Variants in ZNF334 observed in about 807,000 individuals in gnomAD.
ZNF334 encodes zinc finger protein 334.
Under a neutral mutation model 12.4 loss-of-function variants are expected in ZNF334, and 14 were observed. The observed-to-expected ratio is 1.13, with a 90% confidence interval of 0.74 to 1.76. ZNF334 has a LOEUF of 1.76. Among genes scored for constraint, ZNF334 ranks in the 40% most tolerant of loss-of-function variants. ZNF334 has a pLI of 0.00. For synonymous variants in ZNF334, 273 were observed against 269.6 expected, an observed-to-expected ratio of 1.01 and a Z score of -0.12; for missense variants, 797 against 804.5, an observed-to-expected ratio of 0.99 and a Z score of 0.11.
chr20:46,494,897 AT>A (rs1358480087), downstream of ZNF334, among the ~76,000 whole-genome samples: 6 of 152,192 alleles, frequency 3.9e-5, no homozygotes, highest in Non-Finnish European at 7.3e-5. Context: ...TCTCTGCCAT[AT>A]TTCCTAGGCG....
At chr20:46,476,460 T>C in the ZNF334 span, 1 of 152,216 alleles carries the variant, frequency 6.6e-6, no homozygotes, top group South Asian at 2.1e-4. Flanking sequence ...CTCAATATCC[T>C]GGTTTTGATA....
At chr20:46,496,290 G>A (rs968749025), downstream of ZNF334, among the ~76,000 whole-genome samples, 8 of 152,162 alleles carry the variant, frequency 5.3e-5, no homozygotes, top group East Asian at 3.9e-4. Flanking sequence ...TTCCAAAGGT[G>A]AGGTGCTGCT....
At chr20:46,509,462 C>A (rs925159056) in intron 2 of ZNF334, 2 of 665,300 alleles carry the variant, frequency 3.0e-6, no homozygotes, top group South Asian at 3.2e-5. Context: ...CTACAAGCCC[C>A]AAAGAGGGGC....
intron 2 of ZNF334, among the ~76,000 whole-genome samples, chr20:46,510,698 C>T (rs954818048): frequency 6.9e-6 from 1 of 144,722 alleles, no homozygotes; most frequent in South Asian, 2.2e-4. Flanking sequence ...GCAGAGTTTG[C>T]AGTGAGCTGA....
intron 2 of ZNF334, among the ~76,000 whole-genome samples, chr20:46,511,563 A>C (rs570867043): frequency 6.6e-6 from 1 of 152,344 alleles, no homozygotes; most frequent in East Asian, 1.9e-4. Flanking sequence ...GTATAGCTGA[A>C]ATAAAGTTAT....
At chr20:46,492,013 A>C in the ZNF334 span, 1 of 152,702 alleles carries the variant, frequency 6.5e-6, no homozygotes, top group South Asian at 2.1e-4. Context: ...AATGTGGAAA[A>C]GCTTTTAGCT....
At chr20:46,477,340 TG>T in the ZNF334 span, 1 of 151,732 alleles carries the variant, frequency 6.6e-6, no homozygotes, top group Non-Finnish European at 1.5e-5. Context: ...TTTTGTTTTT[TG>T]GTTTTTTTTT....
At chr20:46,473,633 T>C in the ZNF334 span, among the ~76,000 whole-genome samples, 3 of 152,100 alleles carry the variant, frequency 2.0e-5, no homozygotes, top group Admixed American at 6.5e-5. Flanking sequence ...ATTTCAATCA[T>C]GCATTTAAAA....
In ZNF334 at chr20:46,502,469, C is replaced by T; in HGVS notation, c.870G>A (p.Glu290=). Residue 290 remains glutamate (E), a synonymous_variant, in exon 5 of 5, where the codon GAG becomes GAA. Transcript: ENST00000692313. ...LTRHRRIHTG[E]RPYECSECRK... is the part of the protein sequence containing the mutation. Reference sequence around the variant, plus strand: ...TGCATTCACTGCATTCATAGGGTCTCTCTCCAGTATGAATTCTTCGGTGTC... The same window carrying T: ...TGCATTCACTGCATTCATAGGGTCTTTCTCCAGTATGAATTCTTCGGTGTC... 6.2e-7 allele frequency: 1 copy of T among 1,614,030 alleles called. No individual in the cohort carries two copies. Among genetic ancestry groups the T allele is most frequent in the Non-Finnish European group, 8.5e-7 (1 of 1,179,938 alleles).
At position 46,501,437 on chromosome 20, in the gene ZNF334, C is replaced by T; in HGVS notation, c.1902G>A (p.Gly634=). 1 of 1,614,040 alleles carries T rather than the reference C, an allele frequency of 6.2e-7. No individual in the cohort carries two copies. Among genetic ancestry groups the T allele is most frequent in the Non-Finnish European group, 8.5e-7 (1 of 1,180,004 alleles). Residue 634 remains glycine (G), a synonymous_variant, in exon 5 of 5, where the codon GGG becomes GGA. Coordinates refer to ENST00000692313, the MANE Select transcript of ZNF334 (RefSeq NM_001353824.2). ...GEKPYECNQC[G]KTYRRLWTLT... is the part of the protein sequence containing the mutation. ...GAGTCCACAGGCGACGGTAGGTTTTCCCACATTGATTACATTCATATGGTT... is the reference window on the plus strand; with the variant it reads ...GAGTCCACAGGCGACGGTAGGTTTTTCCACATTGATTACATTCATATGGTT...
intron 2 of ZNF334, among the ~76,000 whole-genome samples, chr20:46,510,707 G>A (rs943634840): frequency 1.3e-5 from 2 of 148,642 alleles, no homozygotes; most frequent in Non-Finnish European, 3.0e-5. Context: ...GCAGTGAGCT[G>A]AGATCGTGCC....
At position 46,502,811 on chromosome 20, in the gene ZNF334, C is replaced by T. The variant is rs2061284500; in HGVS notation, c.528G>A (p.Leu176=). 3.1e-6 allele frequency: 5 copies of T among 1,613,884 alleles called. No individual in the cohort carries two copies. The highest frequency in any genetic ancestry group is 1.1e-5 in the South Asian group (1 of 91,070). Residue 176 remains leucine, a synonymous_variant, in exon 5 of 5, where the codon TTG becomes TTA. Coordinates refer to ENST00000692313, the MANE Select transcript of ZNF334 (RefSeq NM_001353824.2). ...GATTGTATCTGTATTTTTTCATTCC[C>T]AAATGACTTTTCTCATGCTTCCCAA... ...SGFGKHEKSH[L]GMKKYRYNPM... is the part of the protein sequence containing the mutation.
At chr20:46,498,236 T>C (rs918665337), downstream of ZNF334, among the ~76,000 whole-genome samples, 2 of 152,236 alleles carry the variant, frequency 1.3e-5, no homozygotes, top group Non-Finnish European at 2.9e-5. Flanking sequence ...GGCTCCTGTG[T>C]GATACCCTTC....
At chr20:46,493,222 T>C in the ZNF334 span, among the ~76,000 whole-genome samples, 2 of 152,222 alleles carry the variant, frequency 1.3e-5, no homozygotes, top group African/African-American at 4.8e-5. Context: ...TGTTTGTCCA[T>C]AATCTACTTT....
At chr20:46,480,865 A>C in the ZNF334 span, among the ~76,000 whole-genome samples, 1 of 152,222 alleles carries the variant, frequency 6.6e-6, no homozygotes, top group South Asian at 2.1e-4. Flanking sequence ...CAGAAATGGA[A>C]AGTAGAGTCT....
Position 46,501,181 on chromosome 20 carries a change from A to G in ZNF334, c.*115T>C, listed in dbSNP as rs905574569. The G allele has an allele frequency of 2.2e-5, 30 of 1,390,918 alleles. No individual in the cohort carries two copies. Among genetic ancestry groups the G allele is most frequent in the Non-Finnish European group, 2.7e-5 (28 of 1,036,932 alleles). 86.2% of individuals were successfully genotyped at this position (1,390,918 alleles called of 1,614,324 possible). On this transcript the variant is annotated 3_prime_UTR_variant, in exon 5 of 5. Transcript: ENST00000692313. ...TTGAGGGTTGACTTATGGCAGAAAAATTTTCCATATTCATTACATTTATAA... is the reference window on the plus strand; with the variant it reads ...TTGAGGGTTGACTTATGGCAGAAAAGTTTTCCATATTCATTACATTTATAA...
In ZNF334 at chr20:46,504,653, C is replaced by T. The variant is rs148860826; in HGVS notation, c.109G>A (p.Asp37Asn). 9.6e-5 allele frequency: 154 copies of T among 1,611,370 alleles called. 1 individual carries two copies. The highest frequency in any genetic ancestry group is 8.3e-4 in the Middle Eastern group (5 of 6,048). Residue 37 changes from aspartate (D) to asparagine (N), a missense_variant, in exon 3 of 5, where the codon GAT becomes AAT. By Grantham distance (23) the Asp-to-Asn change is conservative. Transcript: ENST00000692313. Reference protein sequence around the residue: ...LDPAQRLLYRDVMLENYSNLV... With the variant: ...LDPAQRLLYRNVMLENYSNLV... Reference sequence around the variant, plus strand: ...TTGCTGTAGTTCTCCAGCATCACATCCCTGTACAGGAGCCTCTGAGCAGGG... The same window carrying T: ...TTGCTGTAGTTCTCCAGCATCACATTCCTGTACAGGAGCCTCTGAGCAGGG...
At chr20:46,495,201 C>A (rs1441788070), downstream of ZNF334, among the ~76,000 whole-genome samples, 1 of 151,928 alleles carries the variant, frequency 6.6e-6, no homozygotes, top group East Asian at 1.9e-4. Flanking sequence ...TTCATTCTCA[C>A]ATATTTGAGG....
chr20:46,482,996 A>G, the ZNF334 span, among the ~76,000 whole-genome samples: 11 of 152,164 alleles, frequency 7.2e-5, no homozygotes, highest in Admixed American at 7.2e-4. Flanking sequence ...TTTCTGAGTC[A>G]AGGGCATGCA....
Sources: gnomAD v4.1 joint callset for allele counts (sites outside exome capture counted in the v4.1 genomes callset) on GRCh38, gnomAD v4.1.1 for gene constraint, MANE v1.5 for transcripts, NCBI Gene and HGNC (gene_info 2026-07-23, HGNC 2026-07-21) for gene names.